The following MMP2 variants were observed in gnomAD, a reference collection of about 807,000 sequenced individuals.
MMP2 encodes the protein 72 kDa type IV collagenase.
In MMP2, 39 loss-of-function variants were observed where a neutral mutation model predicts 74.8. That is an observed-to-expected ratio of 0.52 (90% CI 0.40 to 0.68). MMP2 has a LOEUF of 0.68. MMP2 is among the 30% of genes least tolerant of loss of function. MMP2 has a pLI of 0.00. For synonymous variants in MMP2, 367 were observed against 339.8 expected (o/e 1.08, Z -0.88); for missense variants, 803 against 878.3 (o/e 0.91, Z 1.08).
At chr16:55,487,073 G>A (rs1269628406) in intron 5 of MMP2, 1 of 152,176 alleles carries the variant, frequency 6.6e-6, no homozygotes, top group Non-Finnish European at 1.5e-5. Flanking sequence ...TACATGTGGC[G>A]TTAACCCTTC....
intron 6 of MMP2, 84 bp downstream of exon 6, chr16:55,488,800 C>G: frequency 2.1e-6 from 3 of 1,398,834 alleles, no homozygotes; most frequent in Non-Finnish European, 2.9e-6. Flanking sequence ...CGAGTGCCCA[C>G]CTCCTTTCCC....
At chr16:55,493,074 G>A in intron 8 of MMP2, 84 bp from the exon 9 acceptor site, 1 of 1,544,124 alleles carries the variant, frequency 6.5e-7, no homozygotes, top group African/African-American at 1.4e-5. Flanking sequence ...CTCTTAGATG[G>A]TTGGGTGGGC....
At position 55,504,233 on chromosome 16, in the gene MMP2, A is replaced by G. The variant is rs371287737; in HGVS notation, c.1880-1106A>G. On this transcript the variant is annotated intron_variant, in intron 12 of 12. Coordinates refer to ENST00000219070, the MANE Select transcript of MMP2 (RefSeq NM_004530.6). ...CTAGTTTTTTTAAAGGAAGCCAGAAATCTGTACTTCTGTGTGACTTTTTGG... is the reference window on the plus strand; with the variant it reads ...CTAGTTTTTTTAAAGGAAGCCAGAAGTCTGTACTTCTGTGTGACTTTTTGG... Among the ~76,000 whole-genome samples the G allele has an allele frequency of 2.0e-5, 3 of 152,252 alleles. No homozygotes were observed. In the East Asian group the frequency reaches 5.8e-4, roughly 29 times the overall value.
intron 8 of MMP2, 61 bp downstream of exon 8, chr16:55,492,017 G>A: frequency 1.3e-6 from 2 of 1,532,336 alleles, no homozygotes; most frequent in Non-Finnish European, 8.9e-7. Context: ...ATGTAGCCTG[G>A]GATGGAGGCC....
chr16:55,489,699 C>G lies in MMP2; in HGVS notation c.1055C>G (p.Pro352Arg). The G allele has an allele frequency of 6.2e-7, 1 of 1,614,170 alleles. No individual in the cohort carries two copies. The highest frequency in any genetic ancestry group is 8.5e-7 in the Non-Finnish European group (1 of 1,180,032). ...GNSEGAPCVF[P>R]FTFLGNKYES... ...TCAGAAGGTGCCCCCTGTGTCTTCC[C>G]CTTCACTTTCCTGGGCAACAAATAT... is the stretch of plus-strand genomic sequence containing the variant. The change falls in exon 7 of 13, where the codon CCC becomes CGC. Residue 352 changes from proline to arginine, a missense_variant. Pro to Arg is a moderately radical substitution (Grantham distance 103). Coordinates refer to ENST00000219070, the MANE Select transcript of MMP2 (RefSeq NM_004530.6).
intron 7 of MMP2, among the ~76,000 whole-genome samples, chr16:55,490,318 C>T (rs1007224756): frequency 1.3e-5 from 2 of 152,182 alleles, no homozygotes; most frequent in Admixed American, 1.3e-4. Flanking sequence ...CCATGGTCCA[C>T]GCAGCCCTGG....
At chr16:55,489,218 C>G (rs1384477290) in intron 6 of MMP2, among the ~76,000 whole-genome samples, 5 of 152,216 alleles carry the variant, frequency 3.3e-5, no homozygotes, top group African/African-American at 1.2e-4. Flanking sequence ...CTGCTTTGTG[C>G]AGCATACACA....
intron 11 of MMP2, among the ~76,000 whole-genome samples, chr16:55,499,985 A>T (rs1348289168): frequency 1.9e-4 from 29 of 151,720 alleles, no homozygotes; most frequent in African/African-American, 7.0e-4. Flanking sequence ...CTTACTTCCT[A>T]AGGCCTCTGT....
At chr16:55,479,964 T>C in intron 1 of MMP2, 2 of 150,132 alleles carry the variant, frequency 1.3e-5, no homozygotes, top group African/African-American at 3.7e-5. Flanking sequence ...TCCTCTAGTA[T>C]CTGGGACATT....
chr16:55,489,049 T>C (rs1296226678), intron 6 of MMP2, among the ~76,000 whole-genome samples: 1 of 152,186 alleles, frequency 6.6e-6, no homozygotes, highest in Non-Finnish European at 1.5e-5. Flanking sequence ...TCTCTGACCC[T>C]GCAATCTCTC....
At position 55,491,997 on chromosome 16, in the gene MMP2, G is replaced by C. The variant is rs199541167; in HGVS notation, c.1336+41G>C. 3.6e-5 allele frequency: 50 copies of C among 1,406,970 alleles called. No homozygotes were observed. In the East Asian group the frequency reaches 9.2e-4, roughly 26 times the overall value. 87.2% of individuals were successfully genotyped at this position (1,406,970 alleles called of 1,614,324 possible). A position where few individuals can be genotyped will look rare whatever the true frequency, so the allele number is the denominator to read the frequency against. On this transcript the variant is annotated intron_variant, in intron 8 of 12. Transcript: ENST00000219070. ...GGGGTTGGGGGTGGAGGGTGAGGAG[G>C]GGGGAGGTCATGTAGCCTGGGATGG...
At chr16:55,479,718 C>G in intron 1 of MMP2, 86 bp downstream of exon 1, 2 of 1,567,542 alleles carry the variant, frequency 1.3e-6, no homozygotes, top group Non-Finnish European at 8.7e-7. Context: ...CTGCCCTCGG[C>G]GGTGGGCACA....
chr16:55,498,507 G>T (rs1175877658), intron 11 of MMP2, 59 bp downstream of exon 11: 3 of 1,609,390 alleles, frequency 1.9e-6, no homozygotes, highest in Non-Finnish European at 2.5e-6. Context: ...CAGAGAAGCC[G>T]CCCTGAGGCT....
intron 11 of MMP2, among the ~76,000 whole-genome samples, chr16:55,500,341 C>T (rs1202886121): frequency 3.9e-5 from 6 of 152,040 alleles, no homozygotes; most frequent in Non-Finnish European, 7.4e-5. Flanking sequence ...CTCACAGAAA[C>T]GTGAATCTTA....
intron 11 of MMP2, among the ~76,000 whole-genome samples, chr16:55,500,237 GCACACA>G (rs71149618): frequency 6.7e-6 from 1 of 150,294 alleles, no homozygotes; most frequent in Non-Finnish European, 1.5e-5. Context: ...GCACGCACAC[GCACACA>G]CACACACGCG....
chr16:55,486,449 T>C (rs1962264384), intron 5 of MMP2, among the ~76,000 whole-genome samples: 1 of 151,652 alleles, frequency 6.6e-6, no homozygotes, highest in Admixed American at 6.6e-5. Flanking sequence ...CTGCCTCCTG[T>C]CTAGCTTGTG....
Position 55,505,743 on chromosome 16 carries a change from G to A in MMP2, c.*301G>A, listed in dbSNP as rs1962785808. On this transcript the variant is annotated 3_prime_UTR_variant, in exon 13 of 13. Transcript: ENST00000219070. Reference sequence around the variant, plus strand: ...CGCAGCCCTGCTTTGGGCTGCCCTGGTGCTGCCACACTTCAGGCTCTTCTC... The same window carrying A: ...CGCAGCCCTGCTTTGGGCTGCCCTGATGCTGCCACACTTCAGGCTCTTCTC... 6.6e-6 allele frequency: 3 copies of A among 451,454 alleles called. No individual in the cohort carries two copies. The highest frequency in any genetic ancestry group is 6.9e-5 in the Admixed American group (2 of 28,998). The allele number at this position is 451,454 out of a possible 1,614,324, so 28.0% of individuals were successfully genotyped here.
chr16:55,479,467 A>G lies in MMP2; in HGVS notation c.-13A>G. The G allele has an allele frequency of 1.3e-6, 2 of 1,536,652 alleles. No homozygotes were observed. Among genetic ancestry groups the G allele is most frequent in the South Asian group, 2.4e-5 (2 of 82,986 alleles). On this transcript the variant is annotated 5_prime_UTR_variant, in exon 1 of 13. Coordinates refer to ENST00000219070, the MANE Select transcript of MMP2 (RefSeq NM_004530.6). ...CGACCCCCGGGCGACGCGCGGGGCC[A>G]GGGAGCGCTACGATGGAGGCGCTAA...
intron 4 of MMP2, 40 bp downstream of exon 4, chr16:55,485,467 C>T (rs1484486446): frequency 1.2e-6 from 2 of 1,613,898 alleles, no homozygotes; most frequent in Non-Finnish European, 1.7e-6. Context: ...ACCTTCTCTC[C>T]TGTCCTCTCT....
Sources: gnomAD v4.1 joint callset for allele counts (sites outside exome capture counted in the v4.1 genomes callset) on GRCh38, gnomAD v4.1.1 for gene constraint, MANE v1.5 for transcripts, NCBI Gene and HGNC (gene_info 2026-07-23, HGNC 2026-07-21) for gene names.